The following CSMD1 variants were observed in gnomAD, a reference collection of about 807,000 sequenced individuals.
CSMD1 encodes the protein CUB and sushi domain-containing protein 1.
In CSMD1, 213 loss-of-function variants were observed where a neutral mutation model predicts 417.5. That is an observed-to-expected ratio of 0.51 (90% CI 0.46 to 0.57). CSMD1 has a LOEUF of 0.57. Ranked by LOEUF, CSMD1 falls within the 20% of genes least tolerant of loss-of-function variation. The pLI is 0.00. For synonymous variants in CSMD1, 2,862 were observed against 1,736.8 expected (o/e 1.65, Z -16.11); for missense variants, 6,923 against 4,529.7 (o/e 1.53, Z -15.17).
intron 3 of CSMD1, among the ~76,000 whole-genome samples, chr8:4,366,280 A>C (rs1213978676): frequency 7.3e-5 from 11 of 151,334 alleles, no homozygotes; most frequent in Non-Finnish European, 1.2e-4. Context: ...TTATGGCTGC[A>C]TAGTGTCTCA....
intron 5 of CSMD1, among the ~76,000 whole-genome samples, chr8:3,775,563 A>C (rs907555039): frequency 6.6e-6 from 1 of 152,212 alleles, no homozygotes; most frequent in Non-Finnish European, 1.5e-5. Context: ...GCGCAACTTC[A>C]AATGATCTCC....
intron 6 of CSMD1, among the ~76,000 whole-genome samples, chr8:3,716,877 TA>T (rs1801872340): frequency 6.6e-6 from 1 of 152,178 alleles, no homozygotes; most frequent in South Asian, 2.1e-4. Context: ...GTAATAGTTT[TA>T]AAAAATATTT....
At chr8:3,156,868 G>GA (rs1014665745) in intron 39 of CSMD1, among the ~76,000 whole-genome samples, 41 of 151,692 alleles carry the variant, frequency 2.7e-4, no homozygotes, top group Middle Eastern at 3.4e-3. Context: ...TGGGGCATTG[G>GA]AGCTAAGAAT....
chr8:4,162,677 G>C (rs1797239661), intron 3 of CSMD1, among the ~76,000 whole-genome samples: 2 of 152,096 alleles, frequency 1.3e-5, no homozygotes, highest in South Asian at 2.1e-4. Flanking sequence ...CATACACAGA[G>C]CCTCCCCAAC....
At chr8:4,981,497 G>A (rs550405218) in intron 1 of CSMD1, among the ~76,000 whole-genome samples, 1 of 152,280 alleles carries the variant, frequency 6.6e-6, no homozygotes, top group African/African-American at 2.4e-5. Context: ...CAAATGCACT[G>A]GGGAAAATGA....
chr8:3,790,318 T>A (rs1413781470), intron 5 of CSMD1, among the ~76,000 whole-genome samples: 1 of 152,148 alleles, frequency 6.6e-6, no homozygotes, highest in African/African-American at 2.4e-5. Context: ...TGGCTGTAAC[T>A]TCAAATGTAT....
chr8:3,492,463 T>C (rs773726286), intron 11 of CSMD1, among the ~76,000 whole-genome samples: 32 of 152,172 alleles, frequency 2.1e-4, no homozygotes, highest in African/African-American at 6.3e-4. Flanking sequence ...TTTCCATTAA[T>C]GAAAGACGCT....
At chr8:4,365,001 A>G (rs546985665) in intron 3 of CSMD1, among the ~76,000 whole-genome samples, 8 of 152,294 alleles carry the variant, frequency 5.3e-5, no homozygotes, top group Admixed American at 3.3e-4. Flanking sequence ...TTTATATTCT[A>G]ATGGAACTCA....
At chr8:4,417,959 G>C (rs182935520) in intron 3 of CSMD1, among the ~76,000 whole-genome samples, 4 of 151,844 alleles carry the variant, frequency 2.6e-5, no homozygotes, top group African/African-American at 4.8e-5. Flanking sequence ...TTCTACTCTA[G>C]ATTATCTTAC....
chr8:3,067,631 A>T (rs1305399618), intron 49 of CSMD1, among the ~76,000 whole-genome samples: 1 of 149,748 alleles, frequency 6.7e-6, no homozygotes, highest in Admixed American at 6.7e-5. Context: ...AATATATAAT[A>T]ACATTGATCA....
intron 37 of CSMD1, among the ~76,000 whole-genome samples, chr8:3,169,081 C>A (rs1016821894): frequency 6.6e-6 from 1 of 152,190 alleles, no homozygotes; most frequent in African/African-American, 2.4e-5. Context: ...CACCAACAAC[C>A]TGGACCAGTA....
chr8:3,433,233 T>G (rs866830482), intron 12 of CSMD1, among the ~76,000 whole-genome samples: 1 of 152,208 alleles, frequency 6.6e-6, no homozygotes, highest in East Asian at 1.9e-4. Flanking sequence ...CATAGAGATG[T>G]AGTTACTTTT....
chr8:3,879,686 T>C (rs1170167159), intron 5 of CSMD1, among the ~76,000 whole-genome samples: 1 of 152,088 alleles, frequency 6.6e-6, no homozygotes, highest in African/African-American at 2.4e-5. Context: ...CGTCACATAG[T>C]TCTCAGAAAA....
At chr8:4,852,505 A>G (rs1191734983) in intron 1 of CSMD1, among the ~76,000 whole-genome samples, 1 of 152,166 alleles carries the variant, frequency 6.6e-6, no homozygotes, top group Non-Finnish European at 1.5e-5. Context: ...TCAGCCAATT[A>G]AACCTCTTTC....
At chr8:4,229,402 T>C (rs1801569299) in intron 3 of CSMD1, among the ~76,000 whole-genome samples, 1 of 152,218 alleles carries the variant, frequency 6.6e-6, no homozygotes, top group Non-Finnish European at 1.5e-5. Flanking sequence ...GATCACAAGC[T>C]AGATCATACC....
chr8:4,358,171 G>T (rs1044085399), intron 3 of CSMD1, among the ~76,000 whole-genome samples: 18 of 152,034 alleles, frequency 1.2e-4, no homozygotes, highest in African/African-American at 2.4e-4. Flanking sequence ...TTATGATGAC[G>T]TTCACTTTAT....
intron 2 of CSMD1, among the ~76,000 whole-genome samples, chr8:4,532,790 C>A (rs1307601602): frequency 6.7e-6 from 1 of 150,206 alleles, no homozygotes; most frequent in African/African-American, 2.5e-5. Context: ...CGTGCACCCC[C>A]AATCAGTCAC....
intron 5 of CSMD1, among the ~76,000 whole-genome samples, chr8:3,852,036 G>A (rs961820047): frequency 6.6e-6 from 1 of 152,178 alleles, no homozygotes; most frequent in South Asian, 2.1e-4. Flanking sequence ...CCCTGGACCT[G>A]TATGAAAAAT....
intron 12 of CSMD1, among the ~76,000 whole-genome samples, chr8:3,431,553 G>T (rs1290556544): frequency 6.6e-6 from 1 of 151,998 alleles, no homozygotes; most frequent in African/African-American, 2.4e-5. Context: ...TCCATCCCTT[G>T]TATGAGAGTT....
Sources: gnomAD v4.1 joint callset for allele counts (sites outside exome capture counted in the v4.1 genomes callset) on GRCh38, gnomAD v4.1.1 for gene constraint, MANE v1.5 for transcripts, NCBI Gene and HGNC (gene_info 2026-07-23, HGNC 2026-07-21) for gene names.